SLC39A11: variants seen among roughly 807,000 people sequenced by gnomAD.
SLC39A11 encodes the protein solute carrier family 39 member 11, also known as zinc transporter ZIP11.
A neutral mutation model predicts 36.1 loss-of-function variants in SLC39A11; 33 were observed. The observed-to-expected ratio is 0.91, with a 90% confidence interval of 0.69 to 1.22. The LOEUF (loss-of-function observed/expected upper bound fraction) is 1.22, where lower values mean the gene tolerates loss of function less well. Ranked by LOEUF, SLC39A11 falls within the 50% of genes most tolerant of loss-of-function variation. The pLI is 0.00. For synonymous variants in SLC39A11, 166 were observed against 170.3 expected (o/e 0.97, Z 0.20); for missense variants, 432 against 430.3 (o/e 1.00, Z -0.03).
chr17:72,966,406 C>G (rs1469445659), intron 4 of SLC39A11, among the ~76,000 whole-genome samples: 2 of 152,180 alleles, frequency 1.3e-5, no homozygotes, highest in Non-Finnish European at 2.9e-5. Context: ...CACATATACT[C>G]AGGTGAAAGA....
At chr17:72,835,913 T>C (rs781225535) in intron 6 of SLC39A11, among the ~76,000 whole-genome samples, 1 of 152,216 alleles carries the variant, frequency 6.6e-6, no homozygotes, top group African/African-American at 2.4e-5. Flanking sequence ...GTCTTGGCCT[T>C]TCTGCTCTAA....
chr17:73,036,222 T>C (rs1043032573), intron 3 of SLC39A11, among the ~76,000 whole-genome samples: 9 of 152,242 alleles, frequency 5.9e-5, no homozygotes, highest in Admixed American at 1.3e-4. Flanking sequence ...TACAGGCACA[T>C]GTTACTTTTC....
intron 6 of SLC39A11, among the ~76,000 whole-genome samples, chr17:72,772,997 A>C (rs1232549342): frequency 6.6e-6 from 1 of 152,182 alleles, no homozygotes; most frequent in Non-Finnish European, 1.5e-5. Flanking sequence ...AAGGCAGGAG[A>C]ATCACTTGAA....
At chr17:72,720,790 A>G (rs2567507) in intron 7 of SLC39A11, among the ~76,000 whole-genome samples, 20,236 of 152,206 alleles carry the variant, frequency 0.13, 1,560 homozygotes, top group African/African-American at 0.23. Flanking sequence ...CATCAAGGTC[A>G]TAGACCCAGT....
At chr17:72,910,163 A>G (rs1045213888) in intron 5 of SLC39A11, among the ~76,000 whole-genome samples, 2 of 152,152 alleles carry the variant, frequency 1.3e-5, no homozygotes, top group Non-Finnish European at 2.9e-5. Context: ...GATATTACGA[A>G]GAGGGGAGGT....
chr17:72,909,839 G>A (rs2082882779), intron 5 of SLC39A11, among the ~76,000 whole-genome samples: 1 of 149,562 alleles, frequency 6.7e-6, no homozygotes, highest in Non-Finnish European at 1.5e-5. Context: ...TCCGCTTCCC[G>A]CGTTCACGCC....
At chr17:72,739,503 G>A (rs1408188980) in intron 6 of SLC39A11, among the ~76,000 whole-genome samples, 3 of 152,142 alleles carry the variant, frequency 2.0e-5, no homozygotes, top group Non-Finnish European at 4.4e-5. Flanking sequence ...GTCAGGACAC[G>A]GAGTCCTAGG....
chr17:73,037,956 C>T (rs2058974746), intron 3 of SLC39A11, among the ~76,000 whole-genome samples: 1 of 152,266 alleles, frequency 6.6e-6, no homozygotes, highest in South Asian at 2.1e-4. Flanking sequence ...GGCACAGGGG[C>T]TTACGCCCAT....
At chr17:72,803,537 C>G (rs2077162362) in intron 6 of SLC39A11, among the ~76,000 whole-genome samples, 1 of 152,188 alleles carries the variant, frequency 6.6e-6, no homozygotes, top group Admixed American at 6.5e-5. Context: ...TTATAGCATG[C>G]CTCTTCCCTC....
At chr17:72,731,364 G>A (rs983846200) in intron 7 of SLC39A11, among the ~76,000 whole-genome samples, 13 of 152,140 alleles carry the variant, frequency 8.5e-5, no homozygotes, top group Admixed American at 3.9e-4. Context: ...CTGTGTCTCC[G>A]CCCACATCTC....
At chr17:72,702,779 A>G (rs894419830) in intron 7 of SLC39A11, among the ~76,000 whole-genome samples, 4 of 151,778 alleles carry the variant, frequency 2.6e-5, no homozygotes, top group African/African-American at 9.7e-5. Flanking sequence ...TCTACTAAAA[A>G]TACAAAAATT....
intron 5 of SLC39A11, among the ~76,000 whole-genome samples, chr17:72,873,707 G>T (rs750143518): frequency 1.3e-5 from 2 of 152,124 alleles, no homozygotes; most frequent in Non-Finnish European, 2.9e-5. Flanking sequence ...CCCTTGGATT[G>T]TTTCCTTGGA....
chr17:73,070,507 A>G (rs1282928578), intron 3 of SLC39A11, among the ~76,000 whole-genome samples: 1 of 152,182 alleles, frequency 6.6e-6, no homozygotes, highest in Non-Finnish European at 1.5e-5. Flanking sequence ...GAGCCTTTGA[A>G]GGGAGTCTGC....
At chr17:73,092,078 T>C (rs1039012593) in intron 1 of SLC39A11, 1 of 152,102 alleles carries the variant, frequency 6.6e-6, no homozygotes, top group Non-Finnish European at 1.5e-5. Flanking sequence ...AGTTCTCTAA[T>C]GCCTCGCTAC....
intron 4 of SLC39A11, among the ~76,000 whole-genome samples, chr17:73,008,146 G>A (rs2090290852): frequency 9.8e-6 from 1 of 102,098 alleles, no homozygotes; most frequent in Admixed American, 1.0e-4. Context: ...TTGTTGTTGG[G>A]GTTTGTTGTT....
rs574674652 is a variant in SLC39A11 at position 72,881,429 on chromosome 17, A to G, written c.431-31625T>C. 4.6e-5 allele frequency among the ~76,000 whole-genome samples: 7 copies of G among 152,358 alleles called. No individual in the cohort carries two copies. The East Asian group carries it at 1.2e-3, about 25-fold the overall frequency. ...AAATATGTGCACTTTTTGTACGTCA[A>G]TCATACCTCACTAAAGCTATTTAAA... On this transcript the variant is annotated intron_variant, in intron 5 of 9. Transcript: ENST00000255559.
intron 2 of SLC39A11, among the ~76,000 whole-genome samples, chr17:73,086,696 C>T (rs1464128619): frequency 6.6e-6 from 1 of 151,964 alleles, no homozygotes; most frequent in Non-Finnish European, 1.5e-5. Context: ...GGTGCACACC[C>T]GTAGTCTCAG....
At chr17:72,908,292 A>T (rs1338348894) in intron 5 of SLC39A11, among the ~76,000 whole-genome samples, 2 of 152,230 alleles carry the variant, frequency 1.3e-5, no homozygotes. Flanking sequence ...TCTCAGATAA[A>T]GAATATTTTA....
At chr17:72,738,967 C>T (rs778669568) in intron 6 of SLC39A11, among the ~76,000 whole-genome samples, 1 of 152,122 alleles carries the variant, frequency 6.6e-6, no homozygotes, top group Admixed American at 6.5e-5. Context: ...CTGTGATGCA[C>T]TCCAGCTCAA....
Sources: allele counts gnomAD v4.1 joint callset (sites outside exome capture counted in the v4.1 genomes callset), GRCh38; gene constraint gnomAD v4.1.1; transcripts MANE v1.5; gene names NCBI Gene and HGNC (gene_info 2026-07-23, HGNC 2026-07-21).